Variants in PNPLA7 observed in about 807,000 individuals in gnomAD.
PNPLA7 encodes the protein patatin-like phospholipase domain-containing protein 7.
In PNPLA7, 153 loss-of-function variants were observed where a neutral mutation model predicts 161.7. The observed-to-expected ratio is 0.95, with a 90% confidence interval of 0.83 to 1.08. The LOEUF is 1.08. Among genes scored for constraint, PNPLA7 ranks in the 50% least tolerant of loss-of-function variants. The probability of loss-of-function intolerance (pLI) is 0.00; values close to 1 mark genes in which losing one functional copy is unlikely to be tolerated. For synonymous variants in PNPLA7, 809 were observed against 782.1 expected (o/e 1.03, Z -0.57); for missense variants, 1,739 against 1,856.6 (o/e 0.94, Z 1.16).
chr9:137,504,480 A>G lies in PNPLA7; in HGVS notation c.1473+1134T>C, dbSNP rs1188380658. Among the ~76,000 whole-genome samples, 4 of 152,104 alleles carry G rather than the reference A, an allele frequency of 2.6e-5. No homozygotes were observed. In the South Asian group the frequency reaches 6.2e-4, roughly 24 times the overall value. The stretch of plus-strand genomic sequence containing the variant: ...ACCTGCCTCGGCCTCCCAAAGTGCT[A>G]GGATTACAGGCATGAGCCACCACTC... On this transcript the variant is annotated intron_variant, in intron 14 of 34. Coordinates refer to ENST00000406427, the MANE Select transcript of PNPLA7 (RefSeq NM_001098537.3).
chr9:137,464,247 G>C (rs774026253), intron 27 of PNPLA7, 52 bp from the exon 28 acceptor site: 1 of 1,611,026 alleles, frequency 6.2e-7, no homozygotes, highest in Non-Finnish European at 8.5e-7. Flanking sequence ...CTCCTGTCCT[G>C]TGTCTGGGGA....
rs1835199731 is a variant in PNPLA7 at position 137,524,480 on chromosome 9, G to A, written c.748-1623C>T. Among the ~76,000 whole-genome samples, 1 of 152,232 alleles carries A rather than the reference G, an allele frequency of 6.6e-6. No individual in the cohort carries two copies. Among genetic ancestry groups the A allele is most frequent in the Admixed American group, 6.5e-5 (1 of 15,290 alleles). On this transcript the variant is annotated intron_variant, in intron 8 of 34. Transcript: ENST00000406427. The surrounding 1 kb of genome is among the most constrained non-coding windows in gnomAD (Gnocchi z 4.4). ...CATTCAGCAGTCGAAGGATATTTGT[G>A]TTGTTTCCACTGGGGACAATTCTAA...
In PNPLA7 at chr9:137,487,369, G is replaced by A. The variant is rs533854167; in HGVS notation, c.2198-2633C>T. On this transcript the variant is annotated intron_variant, in intron 20 of 34. Coordinates refer to ENST00000406427, the MANE Select transcript of PNPLA7 (RefSeq NM_001098537.3). Reference sequence around the variant, plus strand: ...CTGAGTGGCCCAAAGTGCCGGCCTGGAGTGCAGGGCTGGCCAAGTGTCGCC... The same window carrying A: ...CTGAGTGGCCCAAAGTGCCGGCCTGAAGTGCAGGGCTGGCCAAGTGTCGCC... 8.5e-5 allele frequency among the ~76,000 whole-genome samples: 13 copies of A among 152,378 alleles called. No homozygotes were observed. In the South Asian group the frequency reaches 2.7e-3, roughly 32 times the overall value.
Position 137,503,305 on chromosome 9 carries a change from C to A in PNPLA7, c.1474-1578G>T, listed in dbSNP as rs141151337. On this transcript the variant is annotated intron_variant, in intron 14 of 34. Transcript: ENST00000406427. ...CTGAGGTGGGAGGATCACTTGAGCC[C>A]AGGAAGTGGAGGTTGCAGTGAACTG... Among the ~76,000 whole-genome samples the A allele has an allele frequency of 2.2e-3, 340 of 152,054 alleles. 1 individual carries two copies. Among genetic ancestry groups the A allele is most frequent in the Admixed American group, 5.2e-3 (80 of 15,264 alleles).
In PNPLA7 at chr9:137,490,678, C is replaced by A. The variant is rs1054371804; in HGVS notation, c.2197+2335G>T. On this transcript the variant is annotated intron_variant, in intron 20 of 34. Coordinates refer to ENST00000406427, the MANE Select transcript of PNPLA7 (RefSeq NM_001098537.3). The surrounding 1 kb of genome is among the most constrained non-coding windows in gnomAD (Gnocchi z 4.1). ...TCTGAAAGAACCGCTAACCACAATT[C>A]TTCAACAGCAAGGAGACGAGCCCAG... is the stretch of plus-strand genomic sequence containing the variant. Among the ~76,000 whole-genome samples, 1 of 152,214 alleles carries A rather than the reference C, an allele frequency of 6.6e-6. No homozygotes were observed. Among genetic ancestry groups the A allele is most frequent in the Admixed American group, 6.5e-5 (1 of 15,276 alleles).
chr9:137,522,130 A>T (rs374037046), intron 9 of PNPLA7, among the ~76,000 whole-genome samples: 1 of 152,198 alleles, frequency 6.6e-6, no homozygotes, highest in East Asian at 1.9e-4. Flanking sequence ...GCTGGAGTGC[A>T]GTGGCACCAT....
chr9:137,502,840 T>A (rs930916700), intron 14 of PNPLA7, among the ~76,000 whole-genome samples: 8 of 143,068 alleles, frequency 5.6e-5, no homozygotes, highest in Admixed American at 4.3e-4. Context: ...AGGATTACTG[T>A]TAAGTATTCA....
chr9:137,490,354 C>T lies in PNPLA7; in HGVS notation c.2197+2659G>A, dbSNP rs1271738539. On this transcript the variant is annotated intron_variant, in intron 20 of 34. Coordinates refer to ENST00000406427, the MANE Select transcript of PNPLA7 (RefSeq NM_001098537.3). This position sits in a 1 kb window ranked among gnomAD's most constrained non-coding sequence, Gnocchi z 4.1. Reference sequence around the variant, plus strand: ...TCAAATAATCCTCCTGTCTCGGCCTCCCAAAGTGCTGGGATGAGGTGTAAG... The same window carrying T: ...TCAAATAATCCTCCTGTCTCGGCCTTCCAAAGTGCTGGGATGAGGTGTAAG... Among the ~76,000 whole-genome samples, 1 of 152,122 alleles carries T rather than the reference C, an allele frequency of 6.6e-6. No homozygotes were observed. The highest frequency in any genetic ancestry group is 1.5e-5 in the Non-Finnish European group (1 of 68,016).
At chr9:137,496,848 C>T (rs1355459025) in intron 18 of PNPLA7, among the ~76,000 whole-genome samples, 2 of 152,238 alleles carry the variant, frequency 1.3e-5, no homozygotes, top group Non-Finnish European at 2.9e-5. Context: ...GCTGTAGTTG[C>T]TCCTGTGGAA....
intron 18 of PNPLA7, among the ~76,000 whole-genome samples, chr9:137,496,970 A>G (rs1379891576): frequency 2.0e-5 from 3 of 152,200 alleles, no homozygotes; most frequent in African/African-American, 7.2e-5. Context: ...CCACAGAGGC[A>G]GAGCCTGGGG....
chr9:137,529,414 A>G (rs1395348547), intron 8 of PNPLA7, among the ~76,000 whole-genome samples: 2 of 152,114 alleles, frequency 1.3e-5, no homozygotes, highest in East Asian at 3.8e-4. Flanking sequence ...TTGTATTTAG[A>G]CCATTTGTAT....
At chr9:137,535,136 AG>A (rs1162130122) in intron 8 of PNPLA7, among the ~76,000 whole-genome samples, 6 of 151,966 alleles carry the variant, frequency 3.9e-5, no homozygotes, top group Non-Finnish European at 8.8e-5. Context: ...GTGTCAGTAC[AG>A]CTGGTAGCTG....
chr9:137,541,547 G>T lies in PNPLA7; in HGVS notation c.667-825C>A, dbSNP rs1007528218. On this transcript the variant is annotated intron_variant, in intron 7 of 34. Transcript: ENST00000406427. The surrounding 1 kb of genome is among the most constrained non-coding windows in gnomAD (Gnocchi z 4.4). ...CAGGAGCCCTGCAGGTCAGGGTGATGATCACACAAAGCCCAGGGTTTGCTG... is the reference window on the plus strand; with the variant it reads ...CAGGAGCCCTGCAGGTCAGGGTGATTATCACACAAAGCCCAGGGTTTGCTG... The T allele has an allele frequency of 2.1e-6, 2 of 961,654 alleles. No individual in the cohort carries two copies. Among genetic ancestry groups the T allele is most frequent in the African/African-American group, 3.5e-5 (2 of 56,798 alleles). The allele number at this position is 961,654 out of a possible 1,614,324, so 59.6% of individuals were successfully genotyped here.
intron 8 of PNPLA7, among the ~76,000 whole-genome samples, chr9:137,530,344 A>C (rs562861709): frequency 1.3e-5 from 2 of 152,348 alleles, no homozygotes; most frequent in East Asian, 3.9e-4. Context: ...ACAGGTTCAC[A>C]GACAAAATCT....
At chr9:137,525,094 G>A (rs948625137) in intron 8 of PNPLA7, among the ~76,000 whole-genome samples, 2 of 152,212 alleles carry the variant, frequency 1.3e-5, no homozygotes, top group African/African-American at 2.4e-5. Flanking sequence ...GCCATGCAGG[G>A]AAGACCAAGC....
intron 20 of PNPLA7, among the ~76,000 whole-genome samples, chr9:137,487,829 A>G (rs1044001304): frequency 2.6e-4 from 39 of 151,972 alleles, no homozygotes; most frequent in African/African-American, 9.4e-4. Flanking sequence ...TGTCAGGGGC[A>G]TCTCAGGAGC....
At chr9:137,512,059 C>T (rs780620824) in intron 12 of PNPLA7, among the ~76,000 whole-genome samples, 22 of 152,242 alleles carry the variant, frequency 1.4e-4, no homozygotes, top group Non-Finnish European at 2.5e-4. Context: ...TGGTAGTGGC[C>T]TCTGGGCCCA....
intron 18 of PNPLA7, 50 bp downstream of exon 18, chr9:137,497,137 C>T: frequency 2.0e-6 from 3 of 1,464,244 alleles, no homozygotes; most frequent in Non-Finnish European, 2.7e-6. Flanking sequence ...CCAGGATGCT[C>T]TGGGAGGGAT....
At chr9:137,494,281 T>A (rs891633497) in intron 19 of PNPLA7, among the ~76,000 whole-genome samples, 1 of 151,886 alleles carries the variant, frequency 6.6e-6, no homozygotes, top group Non-Finnish European at 1.5e-5. Context: ...GATCTCAGAG[T>A]GAGAGTCACT....
Sources: gnomAD v4.1 joint callset for allele counts (sites outside exome capture counted in the v4.1 genomes callset) on GRCh38, gnomAD v4.1.1 for gene constraint, Gnocchi (gnomAD v3.1) non-coding constraint, MANE v1.5 for transcripts, NCBI Gene and HGNC (gene_info 2026-07-23, HGNC 2026-07-21) for gene names.